Variants in OLAH observed in about 807,000 individuals in gnomAD.
OLAH encodes S-acyl fatty acid synthase thioesterase, medium chain.
A neutral mutation model predicts 27.8 loss-of-function variants in OLAH; 33 were observed. The observed-to-expected ratio is 1.19, with a 90% CI of 0.90 to 1.59. The LOEUF is 1.59. OLAH is among the 40% of genes most tolerant of loss of function. The pLI is 0.00. For synonymous variants in OLAH, 120 were observed against 102.9 expected (o/e 1.17, Z -1.01); for missense variants, 359 against 310.8 (o/e 1.16, Z -1.17).
chr10:15,057,393 G>A (rs1260807347), intron 3 of OLAH, among the ~76,000 whole-genome samples: 6 of 135,382 alleles, frequency 4.4e-5, no homozygotes, highest in South Asian at 2.4e-4. Context: ...TCTATTTCTG[G>A]GCTTTTTTTT....
chr10:15,057,617 T>C (rs1844272229), intron 3 of OLAH, among the ~76,000 whole-genome samples: 1 of 152,020 alleles, frequency 6.6e-6, no homozygotes, highest in Non-Finnish European at 1.5e-5. Flanking sequence ...AACTCCTGAC[T>C]TCAGGTGATC....
intron 3 of OLAH, among the ~76,000 whole-genome samples, chr10:15,055,573 CT>C (rs1237631346): frequency 1.3e-5 from 2 of 152,140 alleles, no homozygotes; most frequent in African/African-American, 4.8e-5. Context: ...CCTGTAATTC[CT>C]AAAGGTCTTT....
upstream of OLAH, among the ~76,000 whole-genome samples, chr10:15,041,678 T>C (rs896603321): frequency 4.6e-5 from 7 of 151,422 alleles, no homozygotes; most frequent in Admixed American, 4.6e-4. Context: ...TTGGTTCAAG[T>C]GATTCTCTTG....
chr10:15,041,557 C>T (rs139442101), upstream of OLAH, among the ~76,000 whole-genome samples: 678 of 149,416 alleles, frequency 4.5e-3, 4 homozygotes, highest in African/African-American at 0.016. Context: ...GGATTACAGG[C>T]GTGAGCCACC....
chr10:15,040,322 C>T (rs1278129481), upstream of OLAH, among the ~76,000 whole-genome samples: 1 of 152,174 alleles, frequency 6.6e-6, no homozygotes, highest in Non-Finnish European at 1.5e-5. Context: ...TGAGCCTATC[C>T]TCATTGCCAC....
intron 6 of OLAH, among the ~76,000 whole-genome samples, chr10:15,070,471 G>A (rs1167477356): frequency 6.6e-6 from 1 of 151,914 alleles, no homozygotes; most frequent in Non-Finnish European, 1.5e-5. Context: ...AGCCTTTTTT[G>A]TTGTTGTTGT....
At chr10:15,071,477 C>G in intron 6 of OLAH, 1 of 970,134 alleles carries the variant, frequency 1.0e-6, no homozygotes, top group Non-Finnish European at 1.2e-6. Flanking sequence ...CTAAGAGTTA[C>G]TAAAGAGGTC....
At position 15,064,391 on chromosome 10, in the gene OLAH, T is replaced by C. The variant is rs1186645899; in HGVS notation, c.303-12T>C. 18 of 1,530,454 alleles carry C rather than the reference T, an allele frequency of 1.2e-5. No individual in the cohort carries two copies. The highest frequency in any genetic ancestry group is 1.7e-4 in the Middle Eastern group (1 of 5,924). 94.8% of individuals were successfully genotyped at this position (1,530,454 alleles called of 1,614,324 possible). A position where few individuals can be genotyped will look rare whatever the true frequency, so the allele number is the denominator to read the frequency against. On this transcript the variant is annotated splice_polypyrimidine_tract_variant and intron_variant, in intron 4 of 7. Transcript: ENST00000378228. ...TAACAGTTCTTGTCATGTTTTTCTT[T>C]GCTGAATTTAGTATGGGATCCTACA...
chr10:15,038,576 G>C (rs1843876226), intron 1 of OLAH: 1 of 152,164 alleles, frequency 6.6e-6, no homozygotes, highest in Admixed American at 6.5e-5. Flanking sequence ...AAAAACGGGA[G>C]TTCCCCTGTG....
At chr10:15,055,968 G>A (rs1163082925) in intron 3 of OLAH, among the ~76,000 whole-genome samples, 3 of 151,740 alleles carry the variant, frequency 2.0e-5, no homozygotes, top group African/African-American at 7.3e-5. Context: ...TCCTGCCTCA[G>A]CTTCCCAAGT....
At chr10:15,059,896 A>T (rs569743768) in intron 3 of OLAH, among the ~76,000 whole-genome samples, 1 of 152,312 alleles carries the variant, frequency 6.6e-6, no homozygotes, top group East Asian at 1.9e-4. Context: ...TCATCTTTTT[A>T]TCAAGTGTTT....
intron 3 of OLAH, among the ~76,000 whole-genome samples, chr10:15,050,895 ATATT>A (rs1334546024): frequency 6.6e-6 from 1 of 151,926 alleles, no homozygotes. Flanking sequence ...TATAATAATA[ATATT>A]TAAAGTCAAA....
At chr10:15,032,448 C>T (rs1843772349) in intron 1 of OLAH, 2 of 109,564 alleles carry the variant, frequency 1.8e-5, no homozygotes, top group African/African-American at 3.2e-5. Context: ...CCCATCACTA[C>T]TAAAAATACA....
At chr10:15,055,825 A>G (rs1844234321) in intron 3 of OLAH, among the ~76,000 whole-genome samples, 1 of 151,200 alleles carries the variant, frequency 6.6e-6, no homozygotes, top group Admixed American at 6.6e-5. Flanking sequence ...ATATAGTATA[A>G]TCTCTCATAT....
upstream of OLAH, among the ~76,000 whole-genome samples, chr10:15,043,074 G>A (rs12573070): frequency 0.025 from 3,800 of 151,784 alleles, 54 homozygotes; most frequent in East Asian, 0.057. Flanking sequence ...GTTAGCCAGG[G>A]TGGTCTCAGT....
At chr10:15,050,392 G>A (rs950571486) in intron 3 of OLAH, among the ~76,000 whole-genome samples, 10 of 151,758 alleles carry the variant, frequency 6.6e-5, no homozygotes, top group South Asian at 2.1e-4. Flanking sequence ...CTCAGCCTCC[G>A]AAGTAGCTGC....
intron 3 of OLAH, among the ~76,000 whole-genome samples, chr10:15,052,738 T>C (rs1313047484): frequency 6.9e-6 from 1 of 144,100 alleles, no homozygotes; most frequent in African/African-American, 2.6e-5. Flanking sequence ...TCTTTTTTTT[T>C]TTTTTTTGGT....
intron 4 of OLAH, among the ~76,000 whole-genome samples, chr10:15,064,201 G>A (rs890151618): frequency 6.6e-6 from 1 of 152,212 alleles, no homozygotes; most frequent in African/African-American, 2.4e-5. Flanking sequence ...AAATCTTAGA[G>A]TGAATTATCT....
intron 6 of OLAH, among the ~76,000 whole-genome samples, chr10:15,070,755 ACAGGCGTAAGCCACCACGC>A (rs1321095777): frequency 3.4e-5 from 5 of 148,600 alleles, no homozygotes; most frequent in African/African-American, 5.0e-5. Context: ...TGCTGGGATT[ACAGGCGTAAGCCACCACGC>A]CTGAACTTTT....
Sources: gnomAD v4.1 joint callset for allele counts (sites outside exome capture counted in the v4.1 genomes callset) on GRCh38, gnomAD v4.1.1 for gene constraint, MANE v1.5 for transcripts, NCBI Gene and HGNC (gene_info 2026-07-23, HGNC 2026-07-21) for gene names.